The following BBS2 variants were observed in gnomAD, a reference collection of about 807,000 sequenced individuals.
The protein encoded by BBS2 is BBSome complex member BBS2.
Under a neutral mutation model 83.0 loss-of-function variants are expected in BBS2, and 62 were observed. The ratio of observed to expected loss-of-function variants is 0.75; its 90% CI spans 0.61 to 0.92. The LOEUF (loss-of-function observed/expected upper bound fraction) is 0.92. Ranked by LOEUF, BBS2 falls within the 40% of genes least tolerant of loss-of-function variation. BBS2 has a pLI of 0.00. For synonymous variants in BBS2, 303 were observed against 326.1 expected (o/e 0.93, Z 0.76); for missense variants, 784 against 901.0 (o/e 0.87, Z 1.66).
intron 16 of BBS2, 72 bp from the exon 17 acceptor site, chr16:56,484,939 AAAC>A (rs1963733983): frequency 9.0e-7 from 1 of 1,105,412 alleles, no homozygotes; most frequent in Admixed American, 1.8e-5. Context: ...GTCAGTTTTA[AAAC>A]AACATAAAAC....
At position 56,519,675 on chromosome 16, in the gene BBS2, C is replaced by T. The variant is rs1323579266; in HGVS notation, c.117+71G>A. The T allele has an allele frequency of 3.0e-6, 4 of 1,313,134 alleles. No individual in the cohort carries two copies. The African/African-American group carries it at 4.3e-5, about 14-fold the overall frequency. 81.3% of individuals were successfully genotyped at this position (1,313,134 alleles called of 1,614,324 possible). ...GGCGGGGTCGGAGAGGGGACGGGATCCCAGGGGCGCGGCCGGCGGAGATCC... is the reference window on the plus strand; with the variant it reads ...GGCGGGGTCGGAGAGGGGACGGGATTCCAGGGGCGCGGCCGGCGGAGATCC... On this transcript the variant is annotated intron_variant, in intron 1 of 16. Coordinates refer to ENST00000245157, the MANE Select transcript of BBS2 (RefSeq NM_031885.5).
intron 5 of BBS2, among the ~76,000 whole-genome samples, chr16:56,506,680 T>C (rs1233159987): frequency 6.6e-6 from 1 of 152,236 alleles, no homozygotes. Context: ...TCTTACTTCA[T>C]GTATACACTT....
At chr16:56,518,993 A>G (rs1964833701) in intron 1 of BBS2, among the ~76,000 whole-genome samples, 1 of 152,216 alleles carries the variant, frequency 6.6e-6, no homozygotes. Context: ...TGCAATTTGA[A>G]TAAGTTAATT....
chr16:56,498,964 C>G (rs1964189150), intron 12 of BBS2: 3 of 314,148 alleles, frequency 9.5e-6, no homozygotes, highest in Non-Finnish European at 1.8e-5. Context: ...GTGCTTAAAA[C>G]CATTCCATTC....
At chr16:56,489,665 T>G (rs1170794224) in intron 15 of BBS2, among the ~76,000 whole-genome samples, 3 of 152,036 alleles carry the variant, frequency 2.0e-5, no homozygotes, top group Admixed American at 1.3e-4. Flanking sequence ...CTGGGCATGG[T>G]GGCGCATGCC....
intron 15 of BBS2, among the ~76,000 whole-genome samples, chr16:56,493,323 C>T (rs897301365): frequency 1.4e-5 from 2 of 142,956 alleles, no homozygotes; most frequent in Non-Finnish European, 3.0e-5. Context: ...GTGGTTGAAG[C>T]TGCAGTGAGC....
At chr16:56,499,370 T>G (rs1156234905) in intron 12 of BBS2, 1 of 289,864 alleles carries the variant, frequency 3.4e-6, no homozygotes, top group Non-Finnish European at 6.7e-6. Flanking sequence ...CTCACACTGG[T>G]GAGGGGACTT....
chr16:56,480,354 A>AAAAAAAAAAAAC (rs1163280289), downstream of BBS2, among the ~76,000 whole-genome samples: 1 of 101,134 alleles, frequency 9.9e-6, no homozygotes, highest in African/African-American at 5.5e-5. Context: ...CACACACACA[A>AAAAAAAAAAAAC]AAAAAAAAAA....
intron 17 of BBS2, chr16:56,477,421 T>C (rs1338362506): frequency 1.3e-5 from 2 of 152,222 alleles, no homozygotes; most frequent in African/African-American, 4.8e-5. Flanking sequence ...TTGCCATGTG[T>C]AGTCACTTCC....
chr16:56,497,199 C>A (rs1299626164), intron 14 of BBS2, 120 bp from the exon 15 acceptor site: 3 of 759,858 alleles, frequency 3.9e-6, no homozygotes, highest in Non-Finnish European at 7.2e-6. Context: ...TCGCTTATAC[C>A]AATTAAGCTA....
chr16:56,517,110 G>T (rs770912984), intron 1 of BBS2, among the ~76,000 whole-genome samples: 35 of 151,988 alleles, frequency 2.3e-4, no homozygotes, highest in Non-Finnish European at 5.0e-4. Context: ...ACCTCTGCCC[G>T]ATCTCCCTGC....
chr16:56,516,117 A>G lies in BBS2; in HGVS notation c.118-1437T>C, dbSNP rs75376582. 9.8e-3 allele frequency: 1,500 copies of G among 152,344 alleles called. 14 individuals are homozygous for G. The highest frequency in any genetic ancestry group is 0.015 in the Non-Finnish European group (1,040 of 68,038). 9.4% of individuals were successfully genotyped at this position (152,344 alleles called of 1,614,324 possible). A position where few individuals can be genotyped will look rare whatever the true frequency, so the allele number is the denominator to read the frequency against. On this transcript the variant is annotated intron_variant, in intron 1 of 16. Coordinates refer to ENST00000245157, the MANE Select transcript of BBS2 (RefSeq NM_031885.5). The stretch of plus-strand genomic sequence containing the variant: ...AAGAGCAACAAGGATCTCAGGAGTC[A>G]GACTTTCCCCCAGTTCCCTCCTGCT...
chr16:56,498,869 T>C, intron 12 of BBS2: 1 of 492,820 alleles, frequency 2.0e-6, no homozygotes, highest in Non-Finnish European at 3.4e-6. Context: ...GACATAGTCT[T>C]ATATGCAATG....
intron 5 of BBS2, among the ~76,000 whole-genome samples, chr16:56,507,949 C>G (rs1964468891): frequency 1.3e-5 from 2 of 152,118 alleles, no homozygotes; most frequent in South Asian, 4.1e-4. Context: ...GCATGGGCGA[C>G]AAGAGCGAAA....
rs1963200539 is a variant in BBS2, at chr16:56,471,835, G to C, written c.*1-1140C>G. 2.0e-5 allele frequency among the ~76,000 whole-genome samples: 3 copies of C among 152,208 alleles called. No individual in the cohort carries two copies. The South Asian group carries it at 6.2e-4, about 31-fold the overall frequency. ...TTAATACACAGGGTAGCCTTTCTTT[G>C]AAAGATTAGTTTTCCATGTTAATTG... On this transcript the variant is annotated intron_variant, in intron 17 of 17. Transcript: ENST00000682047.
chr16:56,502,894 T>C (rs774305552), intron 7 of BBS2, 86 bp from the exon 8 acceptor site: 24 of 1,485,230 alleles, frequency 1.6e-5, no homozygotes, highest in Non-Finnish European at 2.2e-5. Flanking sequence ...GCTTTAAAGG[T>C]CATTTAGTCT....
intron 12 of BBS2, chr16:56,499,495 A>G (rs1964200989): frequency 2.6e-6 from 1 of 385,634 alleles, no homozygotes; most frequent in Non-Finnish European, 4.9e-6. Context: ...GAAATACTAC[A>G]CCAGGACAAC....
downstream of BBS2, among the ~76,000 whole-genome samples, chr16:56,482,169 T>G (rs1963673218): frequency 6.6e-6 from 1 of 152,122 alleles, no homozygotes; most frequent in African/African-American, 2.4e-5. Flanking sequence ...ATTATATAAT[T>G]TAAAACTAGC....
chr16:56,475,927 A>G, intron 17 of BBS2: 1 of 890,542 alleles, frequency 1.1e-6, no homozygotes, highest in Non-Finnish European at 1.7e-6. Context: ...CATTCAGAGG[A>G]CCCCTCTATC....
Sources: gnomAD v4.1 joint callset for allele counts (sites outside exome capture counted in the v4.1 genomes callset) on GRCh38, gnomAD v4.1.1 for gene constraint, MANE v1.5 for transcripts, NCBI Gene and HGNC (gene_info 2026-07-23, HGNC 2026-07-21) for gene names.